The following PCSK9 variants were observed in gnomAD, a reference collection of about 807,000 sequenced individuals.
PCSK9 encodes proprotein convertase subtilisin/kexin type 9.
PCSK9 carries 57 observed loss-of-function variants against 62.1 expected under a neutral mutation model. The observed-to-expected ratio is 0.92, with a 90% CI of 0.74 to 1.14. PCSK9 has a LOEUF of 1.14. Among genes scored for constraint, PCSK9 ranks in the 50% most tolerant of loss-of-function variants. PCSK9 has a pLI of 0.00. For missense variants in PCSK9, 870 were observed against 959.8 expected (o/e 0.91, Z 1.24); for synonymous variants, 387 against 409.4 (o/e 0.95, Z 0.66).
intron 11 of PCSK9, 126 bp from the exon 12 acceptor site, chr1:55,063,243 G>T (rs1417367937): frequency 3.0e-5 from 30 of 1,011,500 alleles, no homozygotes; most frequent in Non-Finnish European, 4.3e-5. Context: ...TCCCAAATGG[G>T]CTCTGAGCCA....
At chr1:55,060,132 G>A (rs1002805448) in intron 10 of PCSK9, among the ~76,000 whole-genome samples, 7 of 152,244 alleles carry the variant, frequency 4.6e-5, no homozygotes, top group African/African-American at 1.4e-4. Context: ...GCTTAGTGCC[G>A]GGACAATATA....
In PCSK9 at chr1:55,039,772, G is replaced by T. The variant is rs376784227; in HGVS notation, c.-66G>T. On this transcript the variant is annotated 5_prime_UTR_variant, in exon 1 of 12. Coordinates refer to ENST00000302118, the MANE Select transcript of PCSK9 (RefSeq NM_174936.4). ...TCCCCACCGCAAGGCTCAAGGCGCC[G>T]CCGGCGTGGACCGCGCACGGCCTCT... The T allele has an allele frequency of 6.5e-7, 1 of 1,545,232 alleles. No homozygotes were observed.
intron 3 of PCSK9, 149 bp downstream of exon 3, chr1:55,046,795 C>G (rs1644638524): frequency 1.2e-6 from 1 of 847,718 alleles, no homozygotes; most frequent in African/African-American, 1.7e-5. Context: ...TGTCCCATCC[C>G]CATCCCCTGC....
At chr1:55,057,909 G>C (rs527404360) in intron 7 of PCSK9, 127 bp from the exon 8 acceptor site, 1 of 1,358,218 alleles carries the variant, frequency 7.4e-7, no homozygotes, top group East Asian at 2.3e-5. Context: ...CCTTCGAGAA[G>C]AGAGCTTAGT....
In PCSK9 at chr1:55,060,155, C is replaced by T. The variant is rs868054523; in HGVS notation, c.1681+492C>T. 2.9e-4 allele frequency among the ~76,000 whole-genome samples: 44 copies of T among 152,358 alleles called. No individual in the cohort carries two copies. In the South Asian group the frequency reaches 4.8e-3, roughly 17 times the overall value. On this transcript the variant is annotated intron_variant, in intron 10 of 11. Transcript: ENST00000302118. ...CCGGGACAATATAAATTCTAGCTAT[C>T]GTTACTATTGTTTTCATCACCCGTT...
At chr1:55,059,046 A>G (rs1644739684) in intron 9 of PCSK9, among the ~76,000 whole-genome samples, 1 of 152,218 alleles carries the variant, frequency 6.6e-6, no homozygotes, top group East Asian at 1.9e-4. Context: ...CCAGCAAAAA[A>G]GTGGAATTGA....
Position 55,056,194 on chromosome 1 carries a change from G to A in PCSK9, c.996+5G>A. The A allele has an allele frequency of 7.1e-7, 1 of 1,404,148 alleles. No individual in the cohort carries two copies. Among genetic ancestry groups the A allele is most frequent in the Non-Finnish European group, 9.4e-7 (1 of 1,066,080 alleles). 87.0% of individuals were successfully genotyped at this position (1,404,148 alleles called of 1,614,324 possible). A position where few individuals can be genotyped will look rare whatever the true frequency, so the allele number is the denominator to read the frequency against. On this transcript the variant is annotated splice_donor_5th_base_variant and intron_variant, in intron 6 of 11. Coordinates refer to ENST00000302118, the MANE Select transcript of PCSK9 (RefSeq NM_174936.4). The stretch of plus-strand genomic sequence containing the variant: ...TCCCCAGCCTCAGCTCCCGAGGTAG[G>A]TGCTGGGGCTGCTGCCCCAAGGCGC...
chr1:55,051,447 A>G (rs2100293412), intron 3 of PCSK9: 1 of 326,518 alleles, frequency 3.1e-6, no homozygotes, highest in South Asian at 2.3e-5. Flanking sequence ...CCTGCGCTGG[A>G]GCGGAGGTGC....
chr1:55,056,240 A>AGG lies in PCSK9; in HGVS notation c.996+53_996+54dup. 3.7e-4 allele frequency: 13 copies of AGG among 34,746 alleles called. No homozygotes were observed. The African/African-American group carries it at 7.0e-3, about 19-fold the overall frequency. 2.2% of individuals were successfully genotyped at this position (34,746 alleles called of 1,614,324 possible). ...GGCGCGGGTAGGGGGCGGAGGGCGG[A>AGG]GGGCGGAGGGAGGGCGGGCGGGCAG... On this transcript the variant is annotated intron_variant, in intron 6 of 11. Transcript: ENST00000302118.
chr1:55,055,295 G>A (rs901065911), intron 5 of PCSK9, among the ~76,000 whole-genome samples: 3 of 150,858 alleles, frequency 2.0e-5, no homozygotes, highest in Non-Finnish European at 4.4e-5. Context: ...CGGTGGAGGG[G>A]CATCTGAGCC....
At chr1:55,062,245 C>T (rs643257) in intron 11 of PCSK9, among the ~76,000 whole-genome samples, 126,126 of 152,278 alleles carry the variant, frequency 0.83, 52,417 homozygotes, top group East Asian at 0.99. Context: ...AGGAGCTCCT[C>T]AAAAGGCAGC....
At chr1:55,049,988 C>T (rs561108554) in intron 3 of PCSK9, among the ~76,000 whole-genome samples, 8 of 73,756 alleles carry the variant, frequency 1.1e-4, no homozygotes, top group Non-Finnish European at 1.7e-4. Context: ...TCAGTTCCCT[C>T]CTCACACACG....
Position 55,052,518 on chromosome 1 carries a change from C to T in PCSK9, c.657+107C>T, listed in dbSNP as rs886039846. On this transcript the variant is annotated intron_variant, in intron 4 of 11. Transcript: ENST00000302118. ...GTTGCAGCTGTACTCCTGGGTTGCA[C>T]CCCCCCCAGCTGTCACTGTCCCCTC... 2.6e-5 allele frequency: 5 copies of T among 196,018 alleles called. No individual in the cohort carries two copies. Among genetic ancestry groups the T allele is most frequent in the Non-Finnish European group, 3.7e-5 (4 of 108,290 alleles). The allele number at this position is 196,018 out of a possible 1,614,324, so 12.1% of individuals were successfully genotyped here. A position where few individuals can be genotyped will look rare whatever the true frequency, so the allele number is the denominator to read the frequency against.
intron 3 of PCSK9, 134 bp from the exon 4 acceptor site, chr1:55,052,144 T>C (rs1644678510): frequency 8.1e-7 from 1 of 1,228,254 alleles, no homozygotes; most frequent in Non-Finnish European, 1.2e-6. Context: ...GAGGATTTTT[T>C]GGAGGTTAAA....
At chr1:55,042,229 C>T (rs1341767085) in intron 1 of PCSK9, among the ~76,000 whole-genome samples, 1 of 152,164 alleles carries the variant, frequency 6.6e-6, no homozygotes, top group Non-Finnish European at 1.5e-5. Context: ...TCCCAAAGTG[C>T]TCGAATTACA....
chr1:55,063,748 C>T lies in PCSK9; in HGVS notation c.*164C>T. Reference sequence around the variant, plus strand: ...TGGCCTGGCCCTTGAGTGGGGCAGCCTCCTTGCCTGGAACTCACTCACTCT... The same window carrying T: ...TGGCCTGGCCCTTGAGTGGGGCAGCTTCCTTGCCTGGAACTCACTCACTCT... On this transcript the variant is annotated 3_prime_UTR_variant, in exon 12 of 12. Coordinates refer to ENST00000302118, the MANE Select transcript of PCSK9 (RefSeq NM_174936.4). 1.2e-6 allele frequency: 1 copy of T among 837,842 alleles called. No individual in the cohort carries two copies. The highest frequency in any genetic ancestry group is 1.8e-6 in the Non-Finnish European group (1 of 553,728). 51.9% of individuals were successfully genotyped at this position (837,842 alleles called of 1,614,324 possible). A position where few individuals can be genotyped will look rare whatever the true frequency, so the allele number is the denominator to read the frequency against.
chr1:55,039,638 C>T lies in PCSK9; in HGVS notation c.-200C>T. ...GGAGTGAGCCAGGCAGTGAGACTGG[C>T]TCGGGCGGGCCGGGACGCGTCGTTG... is the stretch of plus-strand genomic sequence containing the variant. On this transcript the variant is annotated 5_prime_UTR_variant, in exon 1 of 12. Transcript: ENST00000302118. 1 of 652,090 alleles carries T rather than the reference C, an allele frequency of 1.5e-6. No individual in the cohort carries two copies. Among genetic ancestry groups the T allele is most frequent in the South Asian group, 1.9e-5 (1 of 52,064 alleles). 40.4% of individuals were successfully genotyped at this position (652,090 alleles called of 1,614,324 possible).
At position 55,051,215 on chromosome 1, in the gene PCSK9, G is replaced by GA. The variant is rs527413419; in HGVS notation, c.524-1063_524-1062insA. The GA allele has an allele frequency of 2.0e-3, 919 of 456,260 alleles. 11 individuals carry two copies. Among genetic ancestry groups the GA allele is most frequent in the African/African-American group, 0.016 (826 of 50,194 alleles). 28.3% of individuals were successfully genotyped at this position (456,260 alleles called of 1,614,324 possible). The stretch of plus-strand genomic sequence containing the variant: ...AGCATATTTGGAGGATCACTGCGGG[G>GA]GCCACAGAGGTGCTGTTCAGATGGC... On this transcript the variant is annotated intron_variant, in intron 3 of 11. Coordinates refer to ENST00000302118, the MANE Select transcript of PCSK9 (RefSeq NM_174936.4).
Position 55,063,878 on chromosome 1 carries a change from C to T in PCSK9, c.*294C>T. ...CTGTGCTCGGGTGCTGCCAGCTGCT[C>T]CCAATGTGCCGATGTCCGTGGGCAG... On this transcript the variant is annotated 3_prime_UTR_variant, in exon 12 of 12. Transcript: ENST00000302118. 4.0e-6 allele frequency: 2 copies of T among 494,438 alleles called. No individual in the cohort carries two copies. The highest frequency in any genetic ancestry group is 6.7e-5 in the East Asian group (2 of 29,726). 30.6% of individuals were successfully genotyped at this position (494,438 alleles called of 1,614,324 possible).
Sources: allele counts gnomAD v4.1 joint callset (sites outside exome capture counted in the v4.1 genomes callset), GRCh38; gene constraint gnomAD v4.1.1; transcripts MANE v1.5; gene names NCBI Gene and HGNC (gene_info 2026-07-23, HGNC 2026-07-21).